The following ROR1 variants were observed in gnomAD, a reference collection of about 807,000 sequenced individuals.
ROR1 encodes the protein ROR family WNT receptor 1, also known as inactive tyrosine-protein kinase transmembrane receptor ROR1.
A neutral mutation model predicts 78.8 loss-of-function variants in ROR1; 19 were observed. That is an observed-to-expected ratio of 0.24 (90% CI 0.17 to 0.35). ROR1 has a LOEUF of 0.35. Among genes scored for constraint, ROR1 ranks in the 10% least tolerant of loss-of-function variants. The pLI, the probability that ROR1 is intolerant of heterozygous loss-of-function variation, is 1.00. For missense variants in ROR1, 917 were observed against 1,177.8 expected, an observed-to-expected ratio of 0.78 and a Z score of 3.24; for synonymous variants, 386 against 433.6, an observed-to-expected ratio of 0.89 and a Z score of 1.36.
chr1:63,947,379 A>G (rs1196970203), intron 1 of ROR1, among the ~76,000 whole-genome samples: 1 of 152,220 alleles, frequency 6.6e-6, no homozygotes, highest in Non-Finnish European at 1.5e-5. Context: ...GAACACAGAC[A>G]TAAAACAATT....
At chr1:63,870,184 C>G (rs1323662021) in intron 1 of ROR1, among the ~76,000 whole-genome samples, 1 of 152,130 alleles carries the variant, frequency 6.6e-6, no homozygotes, top group African/African-American at 2.4e-5. Flanking sequence ...ATTGGGTGTT[C>G]TGTTCTCCCC....
intron 1 of ROR1, among the ~76,000 whole-genome samples, chr1:63,811,287 C>T (rs1386592176): frequency 1.3e-5 from 2 of 152,136 alleles, no homozygotes; most frequent in Non-Finnish European, 2.9e-5. Flanking sequence ...AGACTCGGAG[C>T]GTCCAGGAGC....
At chr1:64,048,380 G>C (rs2100589519) in intron 2 of ROR1, among the ~76,000 whole-genome samples, 1 of 152,316 alleles carries the variant, frequency 6.6e-6, no homozygotes, top group South Asian at 2.1e-4. Flanking sequence ...GGATAACACT[G>C]CTAGACAGTA....
intron 4 of ROR1, 142 bp from the exon 5 acceptor site, chr1:64,137,227 G>GCCCA: frequency 1.3e-6 from 1 of 748,062 alleles, no homozygotes; most frequent in Non-Finnish European, 2.1e-6. Flanking sequence ...CTGAGCAAAA[G>GCCCA]CCCAATTCCT....
chr1:63,942,661 AC>A (rs1266864541), intron 1 of ROR1, among the ~76,000 whole-genome samples: 1 of 152,188 alleles, frequency 6.6e-6, no homozygotes, highest in Non-Finnish European at 1.5e-5. Context: ...TGCAGCAGAT[AC>A]CAGTATGTGA....
chr1:63,782,677 A>G (rs1461966376), intron 1 of ROR1, among the ~76,000 whole-genome samples: 1 of 151,754 alleles, frequency 6.6e-6, no homozygotes, highest in South Asian at 2.1e-4. Context: ...AAAATAGGAA[A>G]CCTGGTTTGT....
intron 1 of ROR1, among the ~76,000 whole-genome samples, chr1:64,007,377 A>AGTGTGTGTGT (rs59753220): frequency 0.023 from 3,394 of 145,974 alleles, 67 homozygotes; most frequent in East Asian, 0.048. Flanking sequence ...TAATGTTCTG[A>AGTGTGTGTGT]GTGTGTGTGT....
At chr1:63,815,473 C>CTTTT (rs1557510128) in intron 1 of ROR1, among the ~76,000 whole-genome samples, 12 of 96,102 alleles carry the variant, frequency 1.2e-4, no homozygotes, top group African/African-American at 8.4e-4. Flanking sequence ...CTTTTCTTTT[C>CTTTT]TTTTCTTTTT....
chr1:64,093,981 C>A (rs373928162), intron 4 of ROR1, among the ~76,000 whole-genome samples: 1 of 152,150 alleles, frequency 6.6e-6, no homozygotes, highest in Non-Finnish European at 1.5e-5. Flanking sequence ...TGAAACTCAG[C>A]CAGAAGTGGC....
intron 1 of ROR1, chr1:63,788,923 T>A: frequency 1.2e-6 from 1 of 851,860 alleles, no homozygotes; most frequent in Non-Finnish European, 1.9e-6. Context: ...ACGTTCCCCT[T>A]AACCTTCAGG....
chr1:64,031,156 C>T (rs1227182431), intron 2 of ROR1, among the ~76,000 whole-genome samples: 2 of 152,220 alleles, frequency 1.3e-5, no homozygotes, highest in Non-Finnish European at 2.9e-5. Flanking sequence ...GCATGAGCCA[C>T]CACGCCCAGC....
intron 1 of ROR1, among the ~76,000 whole-genome samples, chr1:64,004,710 C>G (rs1298998644): frequency 6.6e-6 from 1 of 152,166 alleles, no homozygotes; most frequent in African/African-American, 2.4e-5. Flanking sequence ...TGAGATGAAC[C>G]AGTAATCCTT....
At chr1:64,134,328 G>C (rs1649028424) in intron 4 of ROR1, among the ~76,000 whole-genome samples, 1 of 152,174 alleles carries the variant, frequency 6.6e-6, no homozygotes, top group South Asian at 2.1e-4. Flanking sequence ...CGAGTAGGCT[G>C]ATTTAACTAA....
At chr1:64,111,303 G>T (rs1387544424) in intron 4 of ROR1, 1 of 152,216 alleles carries the variant, frequency 6.6e-6, no homozygotes, top group African/African-American at 2.4e-5. Context: ...GCTGAGATCT[G>T]CAATAGCTCG....
At chr1:64,087,804 C>CA (rs1647166020) in intron 4 of ROR1, among the ~76,000 whole-genome samples, 1 of 152,226 alleles carries the variant, frequency 6.6e-6, no homozygotes. Context: ...TTTCATCAGT[C>CA]AGTCTGTCGA....
chr1:63,800,030 G>A (rs536773890), intron 1 of ROR1, among the ~76,000 whole-genome samples: 1 of 152,194 alleles, frequency 6.6e-6, no homozygotes, highest in South Asian at 2.1e-4. Flanking sequence ...CCCTAGTAAC[G>A]AAGGCAGGCT....
chr1:63,955,161 T>C (rs890009945), intron 1 of ROR1, among the ~76,000 whole-genome samples: 9 of 152,158 alleles, frequency 5.9e-5, no homozygotes, highest in Non-Finnish European at 1.2e-4. Flanking sequence ...CACAAGGACC[T>C]TGGAAACTCC....
intron 4 of ROR1, among the ~76,000 whole-genome samples, chr1:64,108,071 TGTGTGTG>T (rs1557655521): frequency 4.1e-5 from 4 of 97,594 alleles, no homozygotes; most frequent in African/African-American, 1.2e-4. Flanking sequence ...TGTGTGTGTG[TGTGTGTG>T]TGTGTGTGTG....
chr1:63,997,189 T>C (rs1458214606), intron 1 of ROR1, among the ~76,000 whole-genome samples: 1 of 152,152 alleles, frequency 6.6e-6, no homozygotes, highest in African/African-American at 2.4e-5. Flanking sequence ...TAGAGTAGGA[T>C]GGCTGCACGT....
Sources: allele counts gnomAD v4.1 joint callset (sites outside exome capture counted in the v4.1 genomes callset), GRCh38; gene constraint gnomAD v4.1.1; transcripts MANE v1.5; gene names NCBI Gene and HGNC (gene_info 2026-07-23, HGNC 2026-07-21).